AKAP11: variants seen among roughly 807,000 people sequenced by gnomAD.
AKAP11 encodes A-kinase anchor protein 11.
AKAP11 carries 36 observed loss-of-function variants against 146.1 expected under a neutral mutation model. The observed-to-expected ratio is 0.25, with a 90% CI of 0.19 to 0.33. The LOEUF (loss-of-function observed/expected upper bound fraction) is 0.33, where lower values mean the gene tolerates loss of function less well. Among genes scored for constraint, AKAP11 ranks in the 10% least tolerant of loss-of-function variants. The pLI is 1.00. For synonymous variants in AKAP11, 780 were observed against 786.5 expected (o/e 0.99, Z 0.14); for missense variants, 2,201 against 2,197.0 (o/e 1.00, Z -0.04).
rs1437813750 is a variant in AKAP11, at chr13:42,300,338, G to A, written c.1592G>A (p.Gly531Glu). The change falls in exon 8 of 13, where the codon GGA becomes GAA. Residue 531 changes from glycine (G) to glutamate (E), a missense_variant. By Grantham distance (98) the Gly-to-Glu change is moderately conservative. Transcript: ENST00000025301. ...AATAAAACTGTAACTTTTAAGCATGGAAACCTTGATCAAAAAAATAAATCT... is the reference window on the plus strand; with the variant it reads ...AATAAAACTGTAACTTTTAAGCATGAAAACCTTGATCAAAAAAATAAATCT... ...GENKTVTFKH[G>E]NLDQKNKSKN... The A allele has an allele frequency of 4.4e-6, 7 of 1,607,244 alleles. No individual in the cohort carries two copies. The highest frequency in any genetic ancestry group is 5.9e-6 in the Non-Finnish European group (7 of 1,178,052).
At chr13:42,272,443 C>G (rs1381955107) in intron 1 of AKAP11, among the ~76,000 whole-genome samples, 1 of 152,208 alleles carries the variant, frequency 6.6e-6, no homozygotes, top group Non-Finnish European at 1.5e-5. Context: ...AGGAAACTCA[C>G]CGCACCGGGC....
chr13:42,290,623 T>A (rs993518912), intron 3 of AKAP11, among the ~76,000 whole-genome samples: 3 of 152,236 alleles, frequency 2.0e-5, no homozygotes, highest in Non-Finnish European at 4.4e-5. Flanking sequence ...GGAGCTCCTC[T>A]GACTTTGTCT....
chr13:42,318,048 A>G (rs748954982), intron 12 of AKAP11, among the ~76,000 whole-genome samples: 4 of 152,192 alleles, frequency 2.6e-5, no homozygotes, highest in Admixed American at 6.5e-5. Context: ...AAAAAATTGA[A>G]TTATTCTCTG....
chr13:42,300,098 G>C lies in AKAP11; in HGVS notation c.1352G>C (p.Arg451Pro), dbSNP rs541507380. The C allele has an allele frequency of 1.2e-6, 2 of 1,613,862 alleles. No individual in the cohort carries two copies. The highest frequency in any genetic ancestry group is 8.5e-7 in the Non-Finnish European group (1 of 1,179,848). ...REDSGLFSPI[R>P]SSAFSPLGGC... is the part of the protein sequence containing the mutation. ...GATAGTGGTTTATTTAGTCCTATTC[G>C]ATCCTCTGCTTTTAGTCCTCTTGGA... is the stretch of plus-strand genomic sequence containing the variant. Residue 451 changes from arginine (R) to proline (P), a missense_variant, in exon 8 of 13, where the codon CGA becomes CCA. Arg to Pro is a moderately radical substitution (Grantham distance 103). This residue lies in a region of AKAP11 where 1,867 missense variants were observed against 1,833.5 expected (regional missense o/e 1.02). Transcript: ENST00000025301.
chr13:42,307,543 A>G (rs141587425), intron 8 of AKAP11, among the ~76,000 whole-genome samples: 17 of 152,230 alleles, frequency 1.1e-4, no homozygotes, highest in African/African-American at 3.9e-4. Context: ...ACTTGAGCCA[A>G]AAACCAAAAG....
At position 42,320,553 on chromosome 13, in the gene AKAP11, C is replaced by T. The variant is rs1961046860; in HGVS notation, c.*1325C>T. ...CCACTGTCTCTCACCTCCCCCACCC[C>T]CCACTCTCTCTCATCTCTCGCTGTG... On this transcript the variant is annotated 3_prime_UTR_variant, in exon 13 of 13. Coordinates refer to ENST00000025301, the MANE Select transcript of AKAP11 (RefSeq NM_016248.4). 6.6e-6 allele frequency: 1 copy of T among 150,536 alleles called. No individual in the cohort carries two copies. The highest frequency in any genetic ancestry group is 2.5e-5 in the African/African-American group (1 of 40,800). 9.3% of individuals were successfully genotyped at this position (150,536 alleles called of 1,614,324 possible).
At chr13:42,297,616 A>C (rs949636450) in intron 6 of AKAP11, among the ~76,000 whole-genome samples, 7 of 151,892 alleles carry the variant, frequency 4.6e-5, no homozygotes, top group African/African-American at 1.7e-4. Flanking sequence ...TGGACATCTG[A>C]TGTGTTCTTT....
intron 10 of AKAP11, among the ~76,000 whole-genome samples, 194 bp downstream of exon 10, chr13:42,313,324 A>G (rs1960654025): frequency 6.6e-6 from 1 of 152,206 alleles, no homozygotes; most frequent in Non-Finnish European, 1.5e-5. Flanking sequence ...ACTGACATCT[A>G]ATTGCAAAAT....
At chr13:42,304,371 C>T (rs975707772) in intron 8 of AKAP11, among the ~76,000 whole-genome samples, 9 of 152,190 alleles carry the variant, frequency 5.9e-5, no homozygotes, top group Non-Finnish European at 1.2e-4. Context: ...GTGCTGTTCA[C>T]CTGTTAGTCA....
At chr13:42,305,635 C>G (rs1279289400) in intron 8 of AKAP11, among the ~76,000 whole-genome samples, 1 of 152,128 alleles carries the variant, frequency 6.6e-6, no homozygotes, top group Non-Finnish European at 1.5e-5. Context: ...CATGCTCATT[C>G]AATTACACAT....
chr13:42,313,664 T>G (rs1334329000), intron 10 of AKAP11, among the ~76,000 whole-genome samples: 1 of 152,190 alleles, frequency 6.6e-6, no homozygotes. Flanking sequence ...TGTATCATGG[T>G]AAGGTAGGAT....
chr13:42,303,042 T>A lies in AKAP11; in HGVS notation c.4296T>A (p.Gly1432=). 1 of 1,611,704 alleles carries A rather than the reference T, an allele frequency of 6.2e-7. No homozygotes were observed. Among genetic ancestry groups the A allele is most frequent in the South Asian group, 1.1e-5 (1 of 90,936 alleles). ...AGAGACAAAGTAAAAGAAATGAAGG[T>A]TACTTTTGTAAAAATCAAACTTGTG... ...DKKRQSKRNE[G]YFCKNQTCER... is the part of the protein sequence containing the mutation. Residue 1432 remains glycine (G), a synonymous_variant, in exon 8 of 13, where the codon GGT becomes GGA. Coordinates refer to ENST00000025301, the MANE Select transcript of AKAP11 (RefSeq NM_016248.4).
In AKAP11 at chr13:42,299,964, A is replaced by G. The variant is rs1198618676; in HGVS notation, c.1218A>G (p.Pro406=). The change falls in exon 8 of 13, where the codon CCA becomes CCG. Residue 406 remains proline (P), a synonymous_variant. Transcript: ENST00000025301. The stretch of plus-strand genomic sequence containing the variant: ...CTCAAAAATTCAAGTTTGATCGTCC[A>G]GCTCTCCCAGCTAATGTTAGAAAGC... The part of the protein sequence containing the change: ...MNPQKFKFDR[P]ALPANVRKPT... 6.2e-7 allele frequency: 1 copy of G among 1,614,008 alleles called. No individual in the cohort carries two copies. Among genetic ancestry groups the G allele is most frequent in the African/African-American group, 1.3e-5 (1 of 75,042 alleles).
At chr13:42,294,592 C>T (rs532013978) in intron 4 of AKAP11, among the ~76,000 whole-genome samples, 2 of 152,048 alleles carry the variant, frequency 1.3e-5, no homozygotes, top group African/African-American at 2.4e-5. Context: ...TTAGTAGAGA[C>T]GAGGTTTCAC....
Position 42,303,077 on chromosome 13 carries a change from T to G in AKAP11, c.4331T>G (p.Leu1444Arg). The change falls in exon 8 of 13, where the codon CTG becomes CGG. Residue 1444 changes from leucine to arginine, a missense_variant. Leu to Arg is a moderately radical substitution (Grantham distance 102, BLOSUM62 -2). This residue lies in a region of AKAP11 where 1,867 missense variants were observed against 1,833.5 expected (regional missense o/e 1.02). Coordinates refer to ENST00000025301, the MANE Select transcript of AKAP11 (RefSeq NM_016248.4). ...AAAAATCAAACTTGTGAAAGGACCC[T>G]GGATCCATATAGAAATGAGGTCTCC... ...FCKNQTCERT[L>R]DPYRNEVSQL... 6.2e-7 allele frequency: 1 copy of G among 1,613,530 alleles called. No individual in the cohort carries two copies. Among genetic ancestry groups the G allele is most frequent in the South Asian group, 1.1e-5 (1 of 91,068 alleles).
At chr13:42,311,759 C>T (rs557048390) in intron 9 of AKAP11, among the ~76,000 whole-genome samples, 9 of 152,204 alleles carry the variant, frequency 5.9e-5, no homozygotes, top group South Asian at 2.1e-4. Flanking sequence ...CCTTTGCTCA[C>T]AGCTGTCTGT....
Position 42,317,528 on chromosome 13 carries a change from G to GT in AKAP11, c.5408dup (p.Leu1803PhefsTer14). 6.2e-7 allele frequency: 1 copy of GT among 1,612,254 alleles called. No individual in the cohort carries two copies. Among genetic ancestry groups the GT allele is most frequent in the Non-Finnish European group, 8.5e-7 (1 of 1,179,418 alleles). ...TATATTGTTTACATTTAAATATTAG[G>GT]TTTGGGGCAAGATGGAAAGACACTG... On this transcript the variant is annotated frameshift_variant and splice_region_variant, in exon 12 of 13. Coordinates refer to ENST00000025301, the MANE Select transcript of AKAP11 (RefSeq NM_016248.4). LOFTEE classifies it high-confidence loss of function.
chr13:42,286,798 T>C (rs1006691431), intron 3 of AKAP11, among the ~76,000 whole-genome samples: 3 of 152,196 alleles, frequency 2.0e-5, no homozygotes, highest in East Asian at 1.9e-4. Flanking sequence ...AAACAAAATA[T>C]GATTCTTAAT....
Position 42,300,772 on chromosome 13 carries a change from T to TG in AKAP11, c.2027dup (p.Cys676TrpfsTer5). On this transcript the variant is annotated frameshift_variant, in exon 8 of 13. Coordinates refer to ENST00000025301, the MANE Select transcript of AKAP11 (RefSeq NM_016248.4). LOFTEE classifies it high-confidence loss of function. ...TCCTCAAACGCCTGCATCTCCACAG[T>TG]GTGGGTCGTTTGACTTTGAAGACAA... 1 of 1,614,072 alleles carries TG rather than the reference T, an allele frequency of 6.2e-7. No individual in the cohort carries two copies. Among genetic ancestry groups the TG allele is most frequent in the Non-Finnish European group, 8.5e-7 (1 of 1,179,970 alleles).
Sources: allele counts gnomAD v4.1 joint callset (sites outside exome capture counted in the v4.1 genomes callset), GRCh38; gene constraint gnomAD v4.1.1; regional missense constraint gnomAD v4.1.1; transcripts MANE v1.5; gene names NCBI Gene and HGNC (gene_info 2026-07-23, HGNC 2026-07-21).